The following IP6K3 variants were observed in gnomAD, a reference collection of about 807,000 sequenced individuals.
The protein encoded by IP6K3 is inositol hexakisphosphate kinase 3.
In IP6K3, 20 loss-of-function variants were observed where a neutral mutation model predicts 28.8. The ratio of observed to expected loss-of-function variants is 0.70; its 90% CI spans 0.49 to 1.01. IP6K3 has a LOEUF of 1.01. Ranked by LOEUF, IP6K3 falls within the 50% of genes least tolerant of loss-of-function variation. The probability of loss-of-function intolerance (pLI) is 0.00; values close to 1 mark genes in which losing one functional copy is unlikely to be tolerated. For synonymous variants in IP6K3, 213 were observed against 221.3 expected (o/e 0.96, Z 0.33); for missense variants, 480 against 537.1 (o/e 0.89, Z 1.05).
At chr6:33,725,713 A>G in intron 4 of IP6K3, 97 bp from the exon 5 acceptor site, 1 of 1,102,032 alleles carries the variant, frequency 9.1e-7, no homozygotes, top group Non-Finnish European at 1.3e-6. Flanking sequence ...GAAATTCCCT[A>G]TTCTGGGCAC....
chr6:33,726,944 G>T, intron 3 of IP6K3, 38 bp from the exon 4 acceptor site: 4 of 1,535,438 alleles, frequency 2.6e-6, no homozygotes, highest in Non-Finnish European at 3.5e-6. Flanking sequence ...CAGAGCAGAG[G>T]TCTGGGGAAG....
chr6:33,755,103 C>T, the IP6K3 span, among the ~76,000 whole-genome samples: 1 of 151,978 alleles, frequency 6.6e-6, no homozygotes, highest in East Asian at 1.9e-4. Flanking sequence ...GGTCGTGGGG[C>T]TCTCTTGAGC....
rs369268967 is a variant in IP6K3, at chr6:33,741,905, C to T, written c.-180+4853G>A. ...GGCGGAGGTTGCGGTGAGCCAAGAT[C>T]GTGCCATTGCACTCCAGCCTGGGCA... On this transcript the variant is annotated intron_variant, in intron 1 of 5. Coordinates refer to ENST00000293756, the MANE Select transcript of IP6K3 (RefSeq NM_054111.5). Among the ~76,000 whole-genome samples, 23 of 151,690 alleles carry T rather than the reference C, an allele frequency of 1.5e-4. No homozygotes were observed. In the East Asian group the frequency reaches 1.6e-3, roughly 10 times the overall value.
At chr6:33,724,243 G>T (rs952904234) in intron 5 of IP6K3, among the ~76,000 whole-genome samples, 5 of 152,222 alleles carry the variant, frequency 3.3e-5, no homozygotes, top group Admixed American at 6.5e-5. Flanking sequence ...AATTTCAGAA[G>T]ATTTGAGGTC....
chr6:33,724,474 G>T (rs1277539513), intron 5 of IP6K3, among the ~76,000 whole-genome samples: 2 of 152,222 alleles, frequency 1.3e-5, no homozygotes, highest in East Asian at 3.8e-4. Context: ...AGTAGAGGAA[G>T]TTTATTTTAT....
At chr6:33,751,632 C>G (rs982379095), upstream of IP6K3, among the ~76,000 whole-genome samples, 1 of 152,062 alleles carries the variant, frequency 6.6e-6, no homozygotes, top group African/African-American at 2.4e-5. The surrounding 1 kb of genome is among the most constrained non-coding windows in gnomAD (Gnocchi z 4.3). Flanking sequence ...TCTTCACACA[C>G]TTTATCTCGT....
At chr6:33,728,343 G>A (rs1293671111) in intron 2 of IP6K3, 43 bp from the exon 3 acceptor site, 15 of 1,579,432 alleles carry the variant, frequency 9.5e-6, no homozygotes, top group Non-Finnish European at 1.3e-5. Context: ...CCAGTTGAGA[G>A]AGCCTCCACA....
chr6:33,735,637 G>A lies in IP6K3; in HGVS notation c.-161C>T. 1.4e-6 allele frequency: 2 copies of A among 1,441,034 alleles called. No individual in the cohort carries two copies. The highest frequency in any genetic ancestry group is 1.8e-6 in the Non-Finnish European group (2 of 1,101,046). 89.3% of individuals were successfully genotyped at this position (1,441,034 alleles called of 1,614,324 possible). ...ATAGCGCAGTTGTCCTCCTGTCTGT[G>A]GGTTCTCAGCGGGGTCCTCTGGAAA... is the stretch of plus-strand genomic sequence containing the variant. On this transcript the variant is annotated 5_prime_UTR_variant, in exon 2 of 6. Coordinates refer to ENST00000293756, the MANE Select transcript of IP6K3 (RefSeq NM_054111.5).
At chr6:33,751,520 T>TGTGTG (rs1561914794), upstream of IP6K3, among the ~76,000 whole-genome samples, 1,517 of 98,420 alleles carry the variant, frequency 0.015, 26 homozygotes, top group East Asian at 0.053. This position sits in a 1 kb window ranked among gnomAD's most constrained non-coding sequence, Gnocchi z 4.3. Flanking sequence ...GTGTGTGTGT[T>TGTGTG]TGGCCCCGGG....
rs144999694 is a variant in IP6K3 at position 33,733,966 on chromosome 6, G to A, written c.199+1312C>T. ...GCCTGTAATCCCAACACTTTGGGAG[G>A]CTGAGGTGGGTGGATCACCTGAGGT... On this transcript the variant is annotated intron_variant, in intron 2 of 5. Coordinates refer to ENST00000293756, the MANE Select transcript of IP6K3 (RefSeq NM_054111.5). 4.6e-3 allele frequency among the ~76,000 whole-genome samples: 708 copies of A among 152,334 alleles called. 5 individuals carry two copies. Among genetic ancestry groups the A allele is most frequent in the African/African-American group, 0.014 (602 of 41,572 alleles).
At chr6:33,726,363 T>C (rs752488717) in intron 4 of IP6K3, among the ~76,000 whole-genome samples, 10 of 152,154 alleles carry the variant, frequency 6.6e-5, no homozygotes, top group Non-Finnish European at 1.2e-4. Flanking sequence ...CATCCAGCTT[T>C]CTGAGCCCCC....
Position 33,744,528 on chromosome 6 carries a change from G to A in IP6K3, c.-180+2230C>T, listed in dbSNP as rs1452633258. ...TGTGAATGCTTGTGCGTGTGTGGGA[G>A]TGTGTGGCTGAGGGAGAATGCAGGC... On this transcript the variant is annotated intron_variant, in intron 1 of 5. Transcript: ENST00000293756. This position sits in a 1 kb window ranked among gnomAD's most constrained non-coding sequence, Gnocchi z 4.4. Among the ~76,000 whole-genome samples, 1 of 152,184 alleles carries A rather than the reference G, an allele frequency of 6.6e-6. No homozygotes were observed. The highest frequency in any genetic ancestry group is 1.5e-5 in the Non-Finnish European group (1 of 68,038).
chr6:33,725,967 G>A (rs1766096828), intron 4 of IP6K3, among the ~76,000 whole-genome samples: 1 of 152,204 alleles, frequency 6.6e-6, no homozygotes, highest in African/African-American at 2.4e-5. Context: ...AAAACCTTCA[G>A]TCCTGCTGAA....
At chr6:33,736,753 A>G (rs1238869523) in intron 1 of IP6K3, among the ~76,000 whole-genome samples, 1 of 152,096 alleles carries the variant, frequency 6.6e-6, no homozygotes, top group African/African-American at 2.4e-5. Flanking sequence ...ATTGATTTAC[A>G]TCATGATACC....
chr6:33,751,751 A>G (rs1561914867), upstream of IP6K3, among the ~76,000 whole-genome samples: 1 of 152,106 alleles, frequency 6.6e-6, no homozygotes, highest in Non-Finnish European at 1.5e-5. The surrounding 1 kb of genome is among the most constrained non-coding windows in gnomAD (Gnocchi z 4.3). Flanking sequence ...CCCACTCCTA[A>G]CACGGATTCA....
In IP6K3 at chr6:33,722,807, G is replaced by A. The variant is rs1765951204; in HGVS notation, c.1146C>T (p.His382=). 1 of 1,614,070 alleles carries A rather than the reference G, an allele frequency of 6.2e-7. No homozygotes were observed. Among genetic ancestry groups the A allele is most frequent in the Non-Finnish European group, 8.5e-7 (1 of 1,180,034 alleles). The part of the protein sequence containing the change: ...HTTYKGYWNE[H]TTYDGPDPGY... ...CAGGGTCTGGTCCATCGTAGGTGGT[G>A]TGCTCATTCCAGTAGCCCTTGTATG... The change falls in exon 6 of 6, where the codon CAC becomes CAT. Residue 382 remains histidine, a synonymous_variant. Coordinates refer to ENST00000293756, the MANE Select transcript of IP6K3 (RefSeq NM_054111.5).
chr6:33,741,609 G>A (rs1448790164), intron 1 of IP6K3, among the ~76,000 whole-genome samples: 3 of 119,236 alleles, frequency 2.5e-5, no homozygotes. Flanking sequence ...TCATGTCATT[G>A]CACTCCAGCT....
At position 33,742,237 on chromosome 6, in the gene IP6K3, C is replaced by T. The variant is rs544948948; in HGVS notation, c.-180+4521G>A. 3.7e-4 allele frequency among the ~76,000 whole-genome samples: 57 copies of T among 152,200 alleles called. No individual in the cohort carries two copies. The highest frequency in any genetic ancestry group is 1.2e-3 in the Admixed American group (18 of 15,294). On this transcript the variant is annotated intron_variant, in intron 1 of 5. Coordinates refer to ENST00000293756, the MANE Select transcript of IP6K3 (RefSeq NM_054111.5). The surrounding 1 kb of genome is among the most constrained non-coding windows in gnomAD (Gnocchi z 4.5). ...TGAGTCTGTCTCACTCTGAAGTCGA[C>T]GCCCATTCTGACCACGTGCAGTCTG...
At chr6:33,738,855 T>C (rs1456082931) in intron 1 of IP6K3, among the ~76,000 whole-genome samples, 1 of 152,200 alleles carries the variant, frequency 6.6e-6, no homozygotes, top group Non-Finnish European at 1.5e-5. Context: ...GTCTACCCCC[T>C]GGCCTGTCCC....
Sources: allele counts gnomAD v4.1 joint callset (sites outside exome capture counted in the v4.1 genomes callset), GRCh38; gene constraint gnomAD v4.1.1; non-coding constraint Gnocchi (gnomAD v3.1); transcripts MANE v1.5; gene names NCBI Gene and HGNC (gene_info 2026-07-23, HGNC 2026-07-21).